The following ADORA2A variants were observed in gnomAD, a reference collection of about 807,000 sequenced individuals.
The protein encoded by ADORA2A is adenosine A2a receptor.
Under a neutral mutation model 18.4 loss-of-function variants are expected in ADORA2A, and 11 were observed. The observed-to-expected ratio is 0.60, with a 90% confidence interval of 0.38 to 0.99. ADORA2A has a LOEUF of 0.99. Among genes scored for constraint, ADORA2A ranks in the 50% least tolerant of loss-of-function variants. The probability of loss-of-function intolerance (pLI) is 0.01; values close to 1 mark genes in which losing one functional copy is unlikely to be tolerated. For synonymous variants in ADORA2A, 218 were observed against 237.3 expected (o/e 0.92, Z 0.75); for missense variants, 449 against 556.1 (o/e 0.81, Z 1.94).
upstream of ADORA2A, among the ~76,000 whole-genome samples, chr22:24,426,264 G>A (rs1404284696): frequency 6.6e-6 from 1 of 152,212 alleles, no homozygotes; most frequent in African/African-American, 2.4e-5. Context: ...CTTCCCAACC[G>A]TGTTTGCGGG....
At chr22:24,430,639 G>A (rs973867765) in intron 1 of ADORA2A, among the ~76,000 whole-genome samples, 4 of 152,258 alleles carry the variant, frequency 2.6e-5, no homozygotes, top group Non-Finnish European at 4.4e-5. Context: ...CCACCAGCAG[G>A]GCTCTGGGTG....
intron 2 of ADORA2A, among the ~76,000 whole-genome samples, chr22:24,434,876 T>C (rs1241666718): frequency 6.6e-6 from 1 of 152,192 alleles, no homozygotes; most frequent in African/African-American, 2.4e-5. Context: ...CAGCCAGCTG[T>C]TTCCGGGCCA....
At chr22:24,426,932 C>T (rs755845168), upstream of ADORA2A, among the ~76,000 whole-genome samples, 54 of 152,238 alleles carry the variant, frequency 3.5e-4, no homozygotes, top group Non-Finnish European at 7.6e-4. Context: ...GCCAACACCC[C>T]GCAGGGGAAG....
rs201827862 is a variant in ADORA2A, at chr22:24,441,415, G to A, written c.1165G>A (p.Glu389Lys). The A allele has an allele frequency of 1.9e-5, 29 of 1,537,660 alleles. No homozygotes were observed. Among genetic ancestry groups the A allele is most frequent in the Non-Finnish European group, 2.4e-5 (28 of 1,145,140 alleles). The change falls in exon 3 of 3, where the codon GAG (glutamate) becomes AAG (lysine). Residue 389 changes from glutamate (E) to lysine (K), a missense_variant. By Grantham distance (56) the Glu-to-Lys change is moderately conservative (BLOSUM62 1). Coordinates refer to ENST00000337539, the MANE Select transcript of ADORA2A (RefSeq NM_000675.6). ...GLPDVELLSH[E>K]LKGVCPEPPG... Reference sequence around the variant, plus strand: ...CCCAGACGTGGAGCTCCTTAGCCATGAGCTCAAGGGAGTGTGCCCAGAGCC... The same window carrying A: ...CCCAGACGTGGAGCTCCTTAGCCATAAGCTCAAGGGAGTGTGCCCAGAGCC...
chr22:24,436,263 C>A (rs929580824), intron 2 of ADORA2A, among the ~76,000 whole-genome samples: 1 of 152,192 alleles, frequency 6.6e-6, no homozygotes, highest in Non-Finnish European at 1.5e-5. Context: ...GCTGGAGTCA[C>A]AGCCTGCCTC....
Position 24,440,733 on chromosome 22 carries a change from G to C in ADORA2A, c.483G>C (p.Glu161Asp). The change falls in exon 3 of 3, where the codon GAG (glutamate) becomes GAC (aspartate). Residue 161 changes from glutamate to aspartate, a missense_variant. Glu to Asp is a conservative substitution (Grantham distance 45). Coordinates refer to ENST00000337539, the MANE Select transcript of ADORA2A (RefSeq NM_000675.6). ...AGAACCACTCCCAGGGCTGCGGGGA[G>C]GGCCAAGTGGCCTGTCTCTTTGAGG... ...EGKNHSQGCGEGQVACLFEDV... is the reference protein window; with the variant it reads ...EGKNHSQGCGDGQVACLFEDV... The C allele has an allele frequency of 6.2e-7, 1 of 1,614,228 alleles. No homozygotes were observed. Among genetic ancestry groups the C allele is most frequent in the Non-Finnish European group, 8.5e-7 (1 of 1,180,036 alleles).
At chr22:24,436,239 C>T (rs182253903) in intron 2 of ADORA2A, among the ~76,000 whole-genome samples, 161 of 152,250 alleles carry the variant, frequency 1.1e-3, no homozygotes, top group Middle Eastern at 3.4e-3. Context: ...AACTTGGTGA[C>T]ACTCCTGGCC....
rs2043102637 is a variant in ADORA2A at position 24,433,642 on chromosome 22, A to G, written c.238A>G (p.Ile80Val). The G allele has an allele frequency of 1.2e-6, 2 of 1,613,502 alleles. No individual in the cohort carries two copies. The highest frequency in any genetic ancestry group is 1.7e-5 in the Admixed American group (1 of 60,010). ...CGCTGCCTGCCACGGCTGCCTCTTCATTGCCTGCTTCGTCCTGGTCCTCAC... is the reference window on the plus strand; with the variant it reads ...CGCTGCCTGCCACGGCTGCCTCTTCGTTGCCTGCTTCGTCCTGGTCCTCAC... ...FCAACHGCLF[I>V]ACFVLVLTQS... The change falls in exon 2 of 3, where the codon ATT becomes GTT. Residue 80 changes from isoleucine (I) to valine (V), a missense_variant. Transcript: ENST00000337539.
chr22:24,428,057 C>T (rs998447309), intron 1 of ADORA2A, among the ~76,000 whole-genome samples: 2 of 152,330 alleles, frequency 1.3e-5, no homozygotes, highest in Non-Finnish European at 2.9e-5. Flanking sequence ...GAAGTAAGGG[C>T]CACCGGGCAG....
chr22:24,426,669 C>T (rs1379831590), upstream of ADORA2A, among the ~76,000 whole-genome samples: 1 of 152,178 alleles, frequency 6.6e-6, no homozygotes, highest in Admixed American at 6.5e-5. Flanking sequence ...GCGGAGGAGG[C>T]CTGGGCCCCT....
intron 2 of ADORA2A, among the ~76,000 whole-genome samples, chr22:24,436,842 A>AG (rs2043190939): frequency 6.6e-6 from 1 of 151,824 alleles, no homozygotes; most frequent in Non-Finnish European, 1.5e-5. Context: ...GTGTGTCAGG[A>AG]GGGGGGCAAA....
chr22:24,440,965 G>C lies in ADORA2A; in HGVS notation c.715G>C (p.Val239Leu). 6 of 1,614,136 alleles carry C rather than the reference G, an allele frequency of 3.7e-6. No homozygotes were observed. Among genetic ancestry groups the C allele is most frequent in the Non-Finnish European group, 5.1e-6 (6 of 1,180,024 alleles). Residue 239 changes from valine to leucine, a missense_variant, in exon 3 of 3, where the codon GTG (valine) becomes CTG (leucine). Coordinates refer to ENST00000337539, the MANE Select transcript of ADORA2A (RefSeq NM_000675.6). Reference protein sequence around the residue: ...VHAAKSLAIIVGLFALCWLPL... With the variant: ...VHAAKSLAIILGLFALCWLPL... Reference sequence around the variant, plus strand: ...TGCTGCCAAGTCACTGGCCATCATTGTGGGGCTCTTTGCCCTCTGCTGGCT... The same window carrying C: ...TGCTGCCAAGTCACTGGCCATCATTCTGGGGCTCTTTGCCCTCTGCTGGCT...
chr22:24,431,249 G>A (rs1000393741), intron 1 of ADORA2A: 2 of 456,694 alleles, frequency 4.4e-6, no homozygotes, highest in African/African-American at 4.0e-5. Context: ...TTGCTGCAGG[G>A]TTTCTGGCTC....
rs1258938288 is a variant in ADORA2A at position 24,441,203 on chromosome 22, G to C, written c.953G>C (p.Gly318Ala). 4.3e-6 allele frequency: 7 copies of C among 1,613,942 alleles called. No homozygotes were observed. The highest frequency in any genetic ancestry group is 5.9e-6 in the Non-Finnish European group (7 of 1,180,050). Residue 318 changes from glycine (G) to alanine (A), a missense_variant, in exon 3 of 3, where the codon GGC becomes GCC. Coordinates refer to ENST00000337539, the MANE Select transcript of ADORA2A (RefSeq NM_000675.6). ...CAGCAAGAACCTTTCAAGGCAGCTGGCACCAGTGCCCGGGTCTTGGCAGCT... is the reference window on the plus strand; with the variant it reads ...CAGCAAGAACCTTTCAAGGCAGCTGCCACCAGTGCCCGGGTCTTGGCAGCT... ...LRQQEPFKAA[G>A]TSARVLAAHG...
At position 24,440,585 on chromosome 22, in the gene ADORA2A, A is replaced by G; in HGVS notation, c.335A>G (p.Tyr112Cys). 1.3e-6 allele frequency: 2 copies of G among 1,557,052 alleles called. No individual in the cohort carries two copies. Among genetic ancestry groups the G allele is most frequent in the Non-Finnish European group, 1.7e-6 (2 of 1,149,098 alleles). The change falls in exon 3 of 3, where the codon TAC (tyrosine) becomes TGC (cysteine). Residue 112 changes from tyrosine to cysteine, a missense_variant and splice_region_variant. Physicochemically the swap from Tyr to Cys is radical, Grantham distance 194 (BLOSUM62 -2). Transcript: ENST00000337539. ...TGATGCTGGTCTCTTCTCCCCAGGT[A>G]CAATGGCTTGGTGACCGGCACGAGG... ...RYIAIRIPLRYNGLVTGTRAK... is the reference protein window; with the variant it reads ...RYIAIRIPLRCNGLVTGTRAK...
In ADORA2A at chr22:24,441,797, G is replaced by A. The variant is rs866644917; in HGVS notation, c.*308G>A. 1 of 262,474 alleles carries A rather than the reference G, an allele frequency of 3.8e-6. No individual in the cohort carries two copies. Among genetic ancestry groups the A allele is most frequent in the Middle Eastern group, 1.2e-3 (1 of 838 alleles). 16.3% of individuals were successfully genotyped at this position (262,474 alleles called of 1,614,324 possible). ...CAGAAGCATCTGGAAGCACCACCTT[G>A]TCTCCACAGAGCAGCTTGGGCACAG... On this transcript the variant is annotated 3_prime_UTR_variant, in exon 3 of 3. Coordinates refer to ENST00000337539, the MANE Select transcript of ADORA2A (RefSeq NM_000675.6).
In ADORA2A at chr22:24,439,072, C is replaced by CTTTTTTTTTTTTTTTTTTTTTTTT. The variant is rs3032740; in HGVS notation, c.333-1505_333-1482dup. Among the ~76,000 whole-genome samples the CTTTTTTTTTTTTTTTTTTTTTTTT allele has an allele frequency of 9.6e-5, 7 of 73,102 alleles. 2 individuals carry two copies. Among genetic ancestry groups the CTTTTTTTTTTTTTTTTTTTTTTTT allele is most frequent in the Non-Finnish European group, 1.9e-4 (7 of 37,282 alleles). 48.0% of individuals were successfully genotyped at this position (73,102 alleles called of 152,430 possible). ...GTAGAGCACATCCTTCCCCTTGCAC[C>CTTTTTTTTTTTTTTTTTTTTTTTT]TTTTTTTTTTTTTTTTTTTTTTTTT... On this transcript the variant is annotated intron_variant, in intron 2 of 2. Coordinates refer to ENST00000337539, the MANE Select transcript of ADORA2A (RefSeq NM_000675.6).
At chr22:24,437,146 G>C (rs1053476013) in intron 2 of ADORA2A, among the ~76,000 whole-genome samples, 1 of 152,190 alleles carries the variant, frequency 6.6e-6, no homozygotes, top group Non-Finnish European at 1.5e-5. Flanking sequence ...TTGGACCATA[G>C]GGTGAGCCCC....
At chr22:24,425,122 T>TC (rs1223568682), upstream of ADORA2A, among the ~76,000 whole-genome samples, 1 of 151,772 alleles carries the variant, frequency 6.6e-6, no homozygotes, top group African/African-American at 2.4e-5. Context: ...TGCTGCCGGC[T>TC]CCCCCTGGGT....
Sources: gnomAD v4.1 joint callset for allele counts (sites outside exome capture counted in the v4.1 genomes callset) on GRCh38, gnomAD v4.1.1 for gene constraint, MANE v1.5 for transcripts, NCBI Gene and HGNC (gene_info 2026-07-23, HGNC 2026-07-21) for gene names.